MAF: variants seen among roughly 807,000 people sequenced by gnomAD.
MAF encodes transcription factor Maf.
MAF carries 10 observed loss-of-function variants against 22.0 expected under a neutral mutation model. The observed-to-expected ratio is 0.45, with a 90% CI of 0.28 to 0.77. The LOEUF is 0.77. Ranked by LOEUF, MAF falls within the 30% of genes least tolerant of loss-of-function variation. The pLI is 0.12. For synonymous variants in MAF, 337 were observed against 255.8 expected (o/e 1.32, Z -3.03); for missense variants, 544 against 548.4 (o/e 0.99, Z 0.08).
chr16:79,353,466 T>A, the MAF span, among the ~76,000 whole-genome samples: 115 of 152,322 alleles, frequency 7.5e-4, no homozygotes, highest in African/African-American at 2.7e-3. Flanking sequence ...TTTGAAGTTA[T>A]GAGGCTAATG....
At chr16:79,351,763 T>G in the MAF span, among the ~76,000 whole-genome samples, 1 of 152,080 alleles carries the variant, frequency 6.6e-6, no homozygotes, top group African/African-American at 2.4e-5. Flanking sequence ...AGGTTTCCAG[T>G]GACAAGTGTC....
chr16:79,392,809 C>T, the MAF span, among the ~76,000 whole-genome samples: 2 of 152,146 alleles, frequency 1.3e-5, no homozygotes, highest in African/African-American at 4.8e-5. Flanking sequence ...TGTGAGAACC[C>T]TAAGTTGCTT....
At chr16:79,209,527 G>C in the MAF span, among the ~76,000 whole-genome samples, 6 of 152,104 alleles carry the variant, frequency 3.9e-5, no homozygotes, top group South Asian at 1.0e-3. Flanking sequence ...CGGGAGGCTG[G>C]ACTTGAAATG....
the MAF span, among the ~76,000 whole-genome samples, chr16:79,253,764 C>G: frequency 6.6e-6 from 1 of 152,138 alleles, no homozygotes; most frequent in Non-Finnish European, 1.5e-5. Context: ...AGCTCCTTCC[C>G]GTCTGCGAGG....
chr16:79,211,657 A>T, the MAF span: 1 of 1,614,158 alleles, frequency 6.2e-7, no homozygotes, highest in Non-Finnish European at 8.5e-7. Context: ...CCAGAACTGG[A>T]GGGTCTGGGA....
At chr16:79,332,826 C>T in the MAF span, among the ~76,000 whole-genome samples, 1 of 152,196 alleles carries the variant, frequency 6.6e-6, no homozygotes, top group Non-Finnish European at 1.5e-5. Flanking sequence ...GTCTCCAAAG[C>T]CAGCACTATT....
At chr16:79,211,869 CCCTT>C in the MAF span, 1 of 1,595,642 alleles carries the variant, frequency 6.3e-7, no homozygotes, top group Non-Finnish European at 8.5e-7. Flanking sequence ...AGGGCTGGGC[CCCTT>C]CCAAATGTCC....
chr16:79,540,297 AT>A, the MAF span, among the ~76,000 whole-genome samples: 1 of 151,664 alleles, frequency 6.6e-6, no homozygotes, highest in Non-Finnish European at 1.5e-5. Flanking sequence ...ACACATCGAG[AT>A]TGCAGTTAGG....
chr16:79,431,248 G>A, the MAF span, among the ~76,000 whole-genome samples: 12 of 152,282 alleles, frequency 7.9e-5, no homozygotes, highest in East Asian at 3.9e-4. Context: ...GGAAGGCAGC[G>A]TGGTGATGAG....
the MAF span, among the ~76,000 whole-genome samples, chr16:79,269,766 G>C: frequency 6.6e-6 from 1 of 152,102 alleles, no homozygotes; most frequent in Non-Finnish European, 1.5e-5. Context: ...TGAGGGGTGA[G>C]GGGTAGCAAC....
the MAF span, among the ~76,000 whole-genome samples, chr16:79,524,234 C>T: frequency 2.0e-5 from 3 of 152,164 alleles, no homozygotes; most frequent in Non-Finnish European, 4.4e-5. Context: ...ACGACTTAAC[C>T]CTTCCGCAGG....
chr16:79,365,957 T>A, the MAF span, among the ~76,000 whole-genome samples: 1 of 152,252 alleles, frequency 6.6e-6, no homozygotes. Context: ...CCAATTGCGG[T>A]CTGATCTACT....
At chr16:79,540,377 C>G in the MAF span, among the ~76,000 whole-genome samples, 1 of 152,132 alleles carries the variant, frequency 6.6e-6, no homozygotes, top group Non-Finnish European at 1.5e-5. Context: ...CCCAGAAGAA[C>G]CATGAGAACC....
chr16:79,581,815 C>T (rs1597828438), downstream of MAF, among the ~76,000 whole-genome samples: 2 of 152,298 alleles, frequency 1.3e-5, no homozygotes, highest in East Asian at 3.9e-4. Flanking sequence ...TTGTTAATTA[C>T]GTGTTAATGT....
chr16:79,589,973 C>T (rs1027423928), downstream of MAF, among the ~76,000 whole-genome samples: 42 of 152,184 alleles, frequency 2.8e-4, no homozygotes, highest in Admixed American at 1.4e-3. Context: ...CGGCCCAGGA[C>T]TGAGGGACTC....
chr16:79,379,107 G>A, the MAF span, among the ~76,000 whole-genome samples: 5 of 152,116 alleles, frequency 3.3e-5, no homozygotes, highest in East Asian at 1.9e-4. Context: ...TTAATTATTG[G>A]CAATAATTTT....
chr16:79,369,067 A>C, the MAF span, among the ~76,000 whole-genome samples: 2 of 152,218 alleles, frequency 1.3e-5, no homozygotes. Context: ...GACACACAGC[A>C]AGAGCCCAAG....
At chr16:79,340,953 G>A in the MAF span, among the ~76,000 whole-genome samples, 1 of 152,280 alleles carries the variant, frequency 6.6e-6, no homozygotes, top group South Asian at 2.1e-4. Flanking sequence ...AAGATGGGTG[G>A]TCAGGTGACA....
the MAF span, among the ~76,000 whole-genome samples, chr16:79,491,821 A>G: frequency 6.6e-6 from 1 of 152,162 alleles, no homozygotes; most frequent in Admixed American, 6.5e-5. Flanking sequence ...GTGATTGAGA[A>G]TCTCTTCCTC....
Sources: allele counts gnomAD v4.1 joint callset (sites outside exome capture counted in the v4.1 genomes callset), GRCh38; gene constraint gnomAD v4.1.1; transcripts MANE v1.5; gene names NCBI Gene and HGNC (gene_info 2026-07-23, HGNC 2026-07-21).